Variants in LIMD1 observed in about 807,000 individuals in gnomAD.
LIMD1 encodes the protein LIM domain-containing protein 1.
LIMD1 carries 23 observed loss-of-function variants against 58.4 expected under a neutral mutation model. The observed-to-expected ratio is 0.39, with a 90% CI of 0.28 to 0.56. The LOEUF (loss-of-function observed/expected upper bound fraction) is 0.56, where lower values mean the gene tolerates loss of function less well. Among genes scored for constraint, LIMD1 ranks in the 20% least tolerant of loss-of-function variants. The pLI is 0.57. For missense variants in LIMD1, 838 were observed against 855.5 expected (o/e 0.98, Z 0.25); for synonymous variants, 334 against 345.5 (o/e 0.97, Z 0.37).
At chr3:45,597,609 A>T (rs1209039049) in intron 1 of LIMD1, among the ~76,000 whole-genome samples, 1 of 152,214 alleles carries the variant, frequency 6.6e-6, no homozygotes, top group African/African-American at 2.4e-5. Context: ...TTCGCAGAGA[A>T]TCGGAGGGGT....
intron 1 of LIMD1, among the ~76,000 whole-genome samples, chr3:45,600,728 C>A (rs576607768): frequency 8.7e-4 from 132 of 152,292 alleles, no homozygotes; most frequent in Middle Eastern, 3.4e-3. Context: ...CCATGTGATC[C>A]ACCTATCTTC....
rs780261133 is a variant in LIMD1, at chr3:45,594,863, G to A, written c.-17G>A. On this transcript the variant is annotated 5_prime_UTR_variant, in exon 1 of 8. Coordinates refer to ENST00000273317, the MANE Select transcript of LIMD1 (RefSeq NM_014240.3). Reference sequence around the variant, plus strand: ...CACACACGGCACCTGGGCTAGGCCCGGACACCTGTCTGCAGCATGGATAAG... The same window carrying A: ...CACACACGGCACCTGGGCTAGGCCCAGACACCTGTCTGCAGCATGGATAAG... The A allele has an allele frequency of 6.5e-7, 1 of 1,534,766 alleles. No individual in the cohort carries two copies. Among genetic ancestry groups the A allele is most frequent in the Non-Finnish European group, 8.8e-7 (1 of 1,137,194 alleles).
chr3:45,651,473 C>A (rs557808742), intron 2 of LIMD1, among the ~76,000 whole-genome samples: 1 of 152,232 alleles, frequency 6.6e-6, no homozygotes, highest in South Asian at 2.1e-4. Context: ...TTTGGTCTTA[C>A]ATTTAAGTCC....
At chr3:45,676,739 T>A (rs78729819) in intron 7 of LIMD1, among the ~76,000 whole-genome samples, 183 bp from the exon 8 acceptor site, 1 of 152,378 alleles carries the variant, frequency 6.6e-6, no homozygotes, top group East Asian at 1.9e-4. Flanking sequence ...AGCAAGTGCC[T>A]TGTGGCAGTG....
At chr3:45,618,141 C>G (rs1701592257) in intron 1 of LIMD1, among the ~76,000 whole-genome samples, 1 of 152,176 alleles carries the variant, frequency 6.6e-6, no homozygotes, top group Non-Finnish European at 1.5e-5. Flanking sequence ...ACTCAGCCGC[C>G]TGCTGGAGTT....
At position 45,672,709 on chromosome 3, in the gene LIMD1, A is replaced by G; in HGVS notation, c.1661A>G (p.Lys554Arg). 6.2e-7 allele frequency: 1 copy of G among 1,613,914 alleles called. No homozygotes were observed. The highest frequency in any genetic ancestry group is 8.5e-7 in the Non-Finnish European group (1 of 1,179,924). The change falls in exon 5 of 8, where the codon AAG (lysine) becomes AGG (arginine). Residue 554 changes from lysine (K) to arginine (R), a missense_variant. Transcript: ENST00000273317. ...IMDMILQALG[K>R]SYHPGCFRCV... ...CTCCAGATCCTGCAAGCCCTGGGGA[A>G]GTCCTACCACCCCGGCTGTTTCCGC...
chr3:45,674,484 G>T (rs1329157277), intron 7 of LIMD1, 73 bp downstream of exon 7: 4 of 1,170,276 alleles, frequency 3.4e-6, no homozygotes, highest in Non-Finnish European at 3.8e-6. Flanking sequence ...CGTTGACTGG[G>T]GCAAGAGGCA....
intron 1 of LIMD1, among the ~76,000 whole-genome samples, chr3:45,606,556 G>C (rs1701470057): frequency 6.6e-6 from 1 of 152,236 alleles, no homozygotes; most frequent in Non-Finnish European, 1.5e-5. Context: ...CTGCAGGGCA[G>C]TGGACAGAGC....
At chr3:45,600,786 G>A (rs1018993369) in intron 1 of LIMD1, among the ~76,000 whole-genome samples, 10 of 152,166 alleles carry the variant, frequency 6.6e-5, no homozygotes, top group South Asian at 2.1e-4. Context: ...GACACAAGCC[G>A]GGTGTGGTGG....
chr3:45,660,932 G>A (rs554815002), intron 2 of LIMD1, among the ~76,000 whole-genome samples: 16 of 152,302 alleles, frequency 1.1e-4, no homozygotes, highest in African/African-American at 3.6e-4. Context: ...TGTCAAGGGG[G>A]TTCTGATGAT....
chr3:45,643,144 A>T (rs1701864091), intron 2 of LIMD1, among the ~76,000 whole-genome samples: 1 of 152,190 alleles, frequency 6.6e-6, no homozygotes, highest in African/African-American at 2.4e-5. Context: ...GAGAGGAGGA[A>T]AAACACGCTG....
At chr3:45,639,614 T>C (rs572997417) in intron 2 of LIMD1, among the ~76,000 whole-genome samples, 2 of 152,266 alleles carry the variant, frequency 1.3e-5, no homozygotes, top group Non-Finnish European at 2.9e-5. Context: ...CTCATGAGAA[T>C]CACCTCCCAA....
In LIMD1 at chr3:45,674,361, C is replaced by G; in HGVS notation, c.1843C>G (p.Arg615Gly). 3 of 1,613,966 alleles carry G rather than the reference C, an allele frequency of 1.9e-6. No homozygotes were observed. Among genetic ancestry groups the G allele is most frequent in the Admixed American group, 3.3e-5 (2 of 60,008 alleles). ...LPPEGSDETI[R>G]VVSMDRDYHV... ...GTCCCAGGGCTCAGATGAGACCATC[C>G]GTGTCGTGTCCATGGACAGAGACTA... Residue 615 changes from arginine (R) to glycine (G), a missense_variant, in exon 7 of 8, where the codon CGT (arginine) becomes GGT (glycine). Coordinates refer to ENST00000273317, the MANE Select transcript of LIMD1 (RefSeq NM_014240.3).
intron 1 of LIMD1, among the ~76,000 whole-genome samples, chr3:45,618,430 C>T (rs1225789094): frequency 1.3e-5 from 2 of 151,798 alleles, no homozygotes; most frequent in Non-Finnish European, 2.9e-5. Flanking sequence ...TAGGGAGGGG[C>T]GTGGGGCAGG....
At chr3:45,662,292 T>C (rs769740125) in intron 2 of LIMD1, among the ~76,000 whole-genome samples, 17 of 152,008 alleles carry the variant, frequency 1.1e-4, no homozygotes, top group South Asian at 4.2e-4. Flanking sequence ...TGTGTGTGTG[T>C]GTGTGTGTGC....
chr3:45,668,020 C>T (rs531313864), intron 3 of LIMD1, among the ~76,000 whole-genome samples: 2 of 152,324 alleles, frequency 1.3e-5, no homozygotes, highest in East Asian at 1.9e-4. Context: ...ATTAAAGCAT[C>T]TCTATATACA....
rs557441430 is a variant in LIMD1 at position 45,665,797 on chromosome 3, G to A, written c.1578+80G>A. 74 of 1,198,900 alleles carry A rather than the reference G, an allele frequency of 6.2e-5. No homozygotes were observed. In the Admixed American group the frequency reaches 1.0e-3, roughly 16 times the overall value. The allele number at this position is 1,198,900 out of a possible 1,614,324, so 74.3% of individuals were successfully genotyped here. Reference sequence around the variant, plus strand: ...GGGGCCTGGGGGGACCTGGGCCAGCGTGTAGGGAAGCTGCACTGCTGGAGA... The same window carrying A: ...GGGGCCTGGGGGGACCTGGGCCAGCATGTAGGGAAGCTGCACTGCTGGAGA... On this transcript the variant is annotated intron_variant, in intron 3 of 7. Coordinates refer to ENST00000273317, the MANE Select transcript of LIMD1 (RefSeq NM_014240.3).
Position 45,677,386 on chromosome 3 carries a change from C to T in LIMD1, c.*327C>T, listed in dbSNP as rs1436190926. The T allele has an allele frequency of 4.4e-6, 1 of 229,768 alleles. No homozygotes were observed. The allele number at this position is 229,768 out of a possible 1,614,324, so 14.2% of individuals were successfully genotyped here. ...TCCCCTCTGGGAACATTTCATGCTT[C>T]AGAGGGAGAGGTTTTTATTGAGCTT... On this transcript the variant is annotated 3_prime_UTR_variant, in exon 8 of 8. Transcript: ENST00000273317.
At chr3:45,663,729 A>T (rs1467016884) in intron 2 of LIMD1, among the ~76,000 whole-genome samples, 7 of 149,102 alleles carry the variant, frequency 4.7e-5, no homozygotes. Flanking sequence ...ATACTATTTT[A>T]ATTTATTTTA....
Sources: gnomAD v4.1 joint callset for allele counts (sites outside exome capture counted in the v4.1 genomes callset) on GRCh38, gnomAD v4.1.1 for gene constraint, MANE v1.5 for transcripts, NCBI Gene and HGNC (gene_info 2026-07-23, HGNC 2026-07-21) for gene names.